IQCM: variants seen among roughly 807,000 people sequenced by gnomAD.
The protein encoded by IQCM is IQ domain-containing protein M.
A neutral mutation model predicts 57.6 loss-of-function variants in IQCM; 45 were observed. The observed-to-expected ratio is 0.78, with a 90% confidence interval of 0.62 to 1.00. IQCM has a LOEUF of 1.00. Among genes scored for constraint, IQCM ranks in the 50% least tolerant of loss-of-function variants. The pLI is 0.00. For synonymous variants in IQCM, 148 were observed against 158.9 expected (o/e 0.93, Z 0.51); for missense variants, 468 against 511.6 (o/e 0.91, Z 0.82).
intron 12 of IQCM, among the ~76,000 whole-genome samples, chr4:149,491,379 T>A (rs1004988930): frequency 1.3e-5 from 2 of 152,138 alleles, no homozygotes; most frequent in Non-Finnish European, 2.9e-5. Context: ...ACTTTTGAAC[T>A]TATTATTCCT....
intron 7 of IQCM, among the ~76,000 whole-genome samples, chr4:149,671,573 G>T (rs979345389): frequency 6.6e-6 from 1 of 152,078 alleles, no homozygotes. Context: ...TGATGTTAGG[G>T]TGTCAATTTT....
chr4:149,660,733 C>CA (rs2150153600), intron 7 of IQCM, among the ~76,000 whole-genome samples: 1 of 149,668 alleles, frequency 6.7e-6, no homozygotes, highest in Non-Finnish European at 1.5e-5. Flanking sequence ...ATCGCAAGGA[C>CA]AAAAAACCAA....
At chr4:149,597,203 GAC>G in intron 8 of IQCM, among the ~76,000 whole-genome samples, 1 of 151,932 alleles carries the variant, frequency 6.6e-6, no homozygotes, top group African/African-American at 2.4e-5. Context: ...GAAAATAATA[GAC>G]ACAGATAAAA....
intron 13 of IQCM, among the ~76,000 whole-genome samples, chr4:149,431,651 T>G (rs1213613028): frequency 1.3e-5 from 2 of 151,970 alleles, no homozygotes; most frequent in African/African-American, 4.8e-5. Flanking sequence ...AACACTACCA[T>G]CAAATTTAAG....
At chr4:149,714,405 G>C (rs1241085651) in intron 5 of IQCM, among the ~76,000 whole-genome samples, 1 of 152,098 alleles carries the variant, frequency 6.6e-6, no homozygotes, top group Non-Finnish European at 1.5e-5. Flanking sequence ...TATAAACTGA[G>C]GTATCTCAGG....
chr4:149,683,269 C>A (rs1177728936), intron 6 of IQCM, among the ~76,000 whole-genome samples: 1 of 150,992 alleles, frequency 6.6e-6, no homozygotes, highest in Non-Finnish European at 1.5e-5. Context: ...TATATTTGTG[C>A]ACCTGTATTT....
chr4:149,458,477 A>G (rs1374008479), intron 12 of IQCM, among the ~76,000 whole-genome samples: 1 of 152,108 alleles, frequency 6.6e-6, no homozygotes, highest in African/African-American at 2.4e-5. Flanking sequence ...TAAGCTCTAA[A>G]GTATAAGATT....
chr4:149,597,241 G>A (rs971215310), intron 8 of IQCM, among the ~76,000 whole-genome samples: 3 of 151,878 alleles, frequency 2.0e-5, no homozygotes, highest in African/African-American at 7.3e-5. Flanking sequence ...TAAACTATGA[G>A]GGATAAAAAA....
chr4:149,744,254 C>T (rs1767719843), intron 2 of IQCM, among the ~76,000 whole-genome samples: 1 of 152,154 alleles, frequency 6.6e-6, no homozygotes, highest in Non-Finnish European at 1.5e-5. Context: ...GAACATGTAC[C>T]TTGTCTGCCT....
intron 13 of IQCM, among the ~76,000 whole-genome samples, chr4:149,367,190 A>G (rs1407907861): frequency 6.6e-6 from 1 of 152,042 alleles, no homozygotes; most frequent in Non-Finnish European, 1.5e-5. Context: ...ACAGCAACTC[A>G]TTGGAAACCA....
chr4:149,524,507 TAC>T lies in IQCM; in HGVS notation c.1228+23946_1228+23947del, dbSNP rs1745969010. On this transcript the variant is annotated intron_variant, in intron 12 of 13. Transcript: ENST00000636793. ...CTCTTAGAGAAGAGTGAAAAATGAATACTTCACACCAAAAAAATTAGGAGAAC... is the reference window on the plus strand; with the variant it reads ...CTCTTAGAGAAGAGTGAAAAATGAATTTCACACCAAAAAAATTAGGAGAAC... Among the ~76,000 whole-genome samples, 6 of 152,108 alleles carry T rather than the reference TAC, an allele frequency of 3.9e-5. No individual in the cohort carries two copies. In the South Asian group the frequency reaches 1.2e-3, roughly 32 times the overall value.
intron 12 of IQCM, among the ~76,000 whole-genome samples, chr4:149,494,347 T>C (rs1231188917): frequency 6.6e-6 from 1 of 152,116 alleles, no homozygotes; most frequent in Non-Finnish European, 1.5e-5. Flanking sequence ...AGGAAACGTG[T>C]CTCAATACAA....
intron 12 of IQCM, among the ~76,000 whole-genome samples, chr4:149,510,363 G>T (rs995089100): frequency 1.1e-4 from 16 of 152,170 alleles, no homozygotes; most frequent in African/African-American, 3.9e-4. Context: ...GTGTGGTATA[G>T]AATTTAAATA....
At chr4:149,768,413 G>A (rs912465106) in intron 2 of IQCM, among the ~76,000 whole-genome samples, 1 of 152,000 alleles carries the variant, frequency 6.6e-6, no homozygotes, top group African/African-American at 2.4e-5. Context: ...TTGGATTATG[G>A]ATAAGTACAA....
At chr4:149,408,243 A>T (rs1166045135) in intron 13 of IQCM, among the ~76,000 whole-genome samples, 1 of 152,216 alleles carries the variant, frequency 6.6e-6, no homozygotes, top group African/African-American at 2.4e-5. Flanking sequence ...TTATTGTGAC[A>T]TATGGAGTAA....
At chr4:149,477,381 G>A (rs924648358) in intron 12 of IQCM, among the ~76,000 whole-genome samples, 6 of 152,150 alleles carry the variant, frequency 3.9e-5, no homozygotes, top group Non-Finnish European at 8.8e-5. Context: ...ATATGCACAA[G>A]GGTAAGGGAG....
chr4:149,465,367 C>T (rs1268263148), intron 12 of IQCM, among the ~76,000 whole-genome samples: 3 of 152,150 alleles, frequency 2.0e-5, no homozygotes, highest in African/African-American at 4.8e-5. Flanking sequence ...CAGTGTTTCT[C>T]AATACAATAG....
intron 7 of IQCM, among the ~76,000 whole-genome samples, chr4:149,622,411 C>T (rs1018666975): frequency 5.4e-5 from 8 of 148,910 alleles, no homozygotes; most frequent in African/African-American, 2.0e-4. Flanking sequence ...GGTGCGATCT[C>T]GGCTCACTGC....
chr4:149,569,436 T>C (rs1288538688), intron 9 of IQCM, among the ~76,000 whole-genome samples: 3 of 152,044 alleles, frequency 2.0e-5, no homozygotes, highest in Non-Finnish European at 4.4e-5. Context: ...ACTAAATCCA[T>C]ATGGAAAAAA....
Sources: gnomAD v4.1 joint callset for allele counts (sites outside exome capture counted in the v4.1 genomes callset) on GRCh38, gnomAD v4.1.1 for gene constraint, MANE v1.5 for transcripts, NCBI Gene and HGNC (gene_info 2026-07-23, HGNC 2026-07-21) for gene names.